Variants in MDGA2 observed in about 807,000 individuals in gnomAD.
MDGA2 encodes the protein MAM domain containing glycosylphosphatidylinositol anchor 2, also known as MAM domain-containing glycosylphosphatidylinositol anchor protein 2.
In MDGA2, 40 loss-of-function variants were observed where a neutral mutation model predicts 117.8. That is an observed-to-expected ratio of 0.34 (90% CI 0.26 to 0.44). The LOEUF is 0.44. Among genes scored for constraint, MDGA2 ranks in the 20% least tolerant of loss-of-function variants. The pLI is 1.00. For synonymous variants in MDGA2, 452 were observed against 439.0 expected (o/e 1.03, Z -0.37); for missense variants, 1,123 against 1,250.6 (o/e 0.90, Z 1.54).
At chr14:47,037,057 A>G (rs1007988265) in intron 7 of MDGA2, among the ~76,000 whole-genome samples, 3 of 152,252 alleles carry the variant, frequency 2.0e-5, no homozygotes, top group Non-Finnish European at 2.9e-5. Context: ...TCTGGTATAC[A>G]TAAACAATTA....
chr14:47,571,059 G>GA (rs1393706033), intron 1 of MDGA2, among the ~76,000 whole-genome samples: 3 of 151,750 alleles, frequency 2.0e-5, no homozygotes, highest in Admixed American at 1.3e-4. Context: ...CAATTTACAA[G>GA]AAAAAAACAA....
intron 1 of MDGA2, among the ~76,000 whole-genome samples, chr14:47,604,487 A>ACCCCC (rs60602833): frequency 3.3e-5 from 3 of 92,052 alleles, no homozygotes; most frequent in Non-Finnish European, 6.6e-5. Context: ...CAGCTTCCCC[A>ACCCCC]CCCCCCCCCA....
At chr14:47,379,215 C>A (rs532396041) in intron 1 of MDGA2, among the ~76,000 whole-genome samples, 1 of 152,118 alleles carries the variant, frequency 6.6e-6, no homozygotes, top group East Asian at 1.9e-4. Context: ...CTGAAGGAAG[C>A]GCTAAACATG....
chr14:47,374,652 G>A (rs10143731), intron 1 of MDGA2, among the ~76,000 whole-genome samples: 42,131 of 151,820 alleles, frequency 0.28, 6,099 homozygotes, highest in South Asian at 0.46. Context: ...TTCTGTGACA[G>A]ATCAATTTAG....
At chr14:47,407,013 T>C (rs1892273968) in intron 1 of MDGA2, among the ~76,000 whole-genome samples, 1 of 152,096 alleles carries the variant, frequency 6.6e-6, no homozygotes, top group African/African-American at 2.4e-5. Flanking sequence ...TCCTAAAAGG[T>C]ATTGTATTAT....
chr14:46,913,117 C>A (rs978991179), intron 10 of MDGA2, among the ~76,000 whole-genome samples: 1 of 151,980 alleles, frequency 6.6e-6, no homozygotes, highest in African/African-American at 2.4e-5. Context: ...AAAATTGTTC[C>A]CCAAAACAAA....
rs143283594 is a variant in MDGA2, at chr14:47,585,530, G to A, written c.280+88987C>T. On this transcript the variant is annotated intron_variant, in intron 1 of 16. Coordinates refer to ENST00000399232, the MANE Select transcript of MDGA2 (RefSeq NM_001113498.3). ...CACAGGGCTTATAAGAAAGTATGGC[G>A]TACGGTAATGCGCAGGAAAGAGAGA... 1.9e-3 allele frequency among the ~76,000 whole-genome samples: 292 copies of A among 151,948 alleles called. 1 individual carries two copies. Among genetic ancestry groups the A allele is most frequent in the African/African-American group, 6.4e-3 (264 of 41,498 alleles).
At chr14:47,078,316 C>T (rs1378969142) in intron 6 of MDGA2, among the ~76,000 whole-genome samples, 1 of 151,946 alleles carries the variant, frequency 6.6e-6, no homozygotes, top group South Asian at 2.1e-4. Context: ...TATCAATATC[C>T]TGAATTAAGG....
intron 2 of MDGA2, among the ~76,000 whole-genome samples, chr14:47,283,616 C>A (rs1888573889): frequency 1.3e-5 from 2 of 152,142 alleles, no homozygotes. Context: ...ATGCATTCTG[C>A]CATAAATTTA....
chr14:47,538,176 T>C (rs1265656967), intron 1 of MDGA2, among the ~76,000 whole-genome samples: 2 of 152,214 alleles, frequency 1.3e-5, no homozygotes, highest in African/African-American at 2.4e-5. Context: ...TGCTAGCACG[T>C]TGTAACCATA....
At chr14:47,270,214 A>G (rs1172814496) in intron 2 of MDGA2, among the ~76,000 whole-genome samples, 4 of 152,062 alleles carry the variant, frequency 2.6e-5, no homozygotes, top group Non-Finnish European at 4.4e-5. Flanking sequence ...ACACTTAAAC[A>G]CTGTTATTTG....
chr14:47,148,095 G>T (rs1007177161), intron 3 of MDGA2, among the ~76,000 whole-genome samples: 1 of 152,176 alleles, frequency 6.6e-6, no homozygotes, highest in Non-Finnish European at 1.5e-5. Context: ...CCTCATATAG[G>T]CTGGTCACTC....
intron 10 of MDGA2, among the ~76,000 whole-genome samples, chr14:46,882,839 A>G (rs1882517446): frequency 1.3e-5 from 2 of 151,896 alleles, no homozygotes; most frequent in South Asian, 4.1e-4. Context: ...CTCCATAAGA[A>G]GAATGTTAGG....
intron 6 of MDGA2, among the ~76,000 whole-genome samples, chr14:47,089,224 T>C (rs1891019588): frequency 1.3e-5 from 2 of 152,158 alleles, no homozygotes; most frequent in Non-Finnish European, 2.9e-5. Context: ...AATTAAATAT[T>C]TGTAAAAATT....
Position 46,875,393 on chromosome 14 carries a change from T to A in MDGA2, c.2438-1193A>T, listed in dbSNP as rs1194275734. On this transcript the variant is annotated intron_variant, in intron 12 of 16. Transcript: ENST00000399232. Reference sequence around the variant, plus strand: ...GAATGAGTTTATGTTTTGTTTTTGTTTTTTAGACGAAACACTTGCTTTATC... The same window carrying A: ...GAATGAGTTTATGTTTTGTTTTTGTATTTTAGACGAAACACTTGCTTTATC... Among the ~76,000 whole-genome samples the A allele has an allele frequency of 2.6e-5, 4 of 151,794 alleles. No homozygotes were observed. In the South Asian group the frequency reaches 8.3e-4, roughly 31 times the overall value.
At chr14:47,341,999 C>T (rs1890638664) in intron 1 of MDGA2, among the ~76,000 whole-genome samples, 1 of 151,912 alleles carries the variant, frequency 6.6e-6, no homozygotes, top group Non-Finnish European at 1.5e-5. Flanking sequence ...ACCACCAGGC[C>T]CGGATAATTT....
At chr14:47,119,222 C>CA (rs1239121061) in intron 5 of MDGA2, among the ~76,000 whole-genome samples, 1 of 145,996 alleles carries the variant, frequency 6.8e-6, no homozygotes, top group Non-Finnish European at 1.5e-5. Flanking sequence ...CCCGCCACCA[C>CA]ACCCGGGTAA....
At chr14:47,671,000 A>T (rs1344802441) in intron 1 of MDGA2, among the ~76,000 whole-genome samples, 2 of 152,120 alleles carry the variant, frequency 1.3e-5, no homozygotes, top group Non-Finnish European at 2.9e-5. Flanking sequence ...TATTATGAAG[A>T]GGTTTTCTTG....
intron 1 of MDGA2, among the ~76,000 whole-genome samples, chr14:47,646,036 C>T (rs991573767): frequency 3.3e-5 from 5 of 149,962 alleles, no homozygotes; most frequent in African/African-American, 7.4e-5. Flanking sequence ...GCTGAGATCC[C>T]GCCACTGCAC....
Sources: allele counts gnomAD v4.1 joint callset (sites outside exome capture counted in the v4.1 genomes callset), GRCh38; gene constraint gnomAD v4.1.1; transcripts MANE v1.5; gene names NCBI Gene and HGNC (gene_info 2026-07-23, HGNC 2026-07-21).